PCDHA5: variants seen among roughly 807,000 people sequenced by gnomAD.
The protein encoded by PCDHA5 is protocadherin alpha-5.
Under a neutral mutation model 61.6 loss-of-function variants are expected in PCDHA5, and 43 were observed. The observed-to-expected ratio is 0.70, with a 90% CI of 0.55 to 0.90. The LOEUF (loss-of-function observed/expected upper bound fraction) is 0.90, where lower values mean the gene tolerates loss of function less well. Ranked by LOEUF, PCDHA5 falls within the 40% of genes least tolerant of loss-of-function variation. The pLI, the probability that PCDHA5 is intolerant of heterozygous loss-of-function variation, is 0.00. For missense variants in PCDHA5, 1,298 were observed against 1,222.7 expected (o/e 1.06, Z -0.92); for synonymous variants, 627 against 543.9 (o/e 1.15, Z -2.13).
rs140660802 is a variant in PCDHA5 at position 140,849,759 on chromosome 5, G to C, written c.2352+25632G>C. 47 of 1,598,444 alleles carry C rather than the reference G, an allele frequency of 2.9e-5. 6 individuals are homozygous for C. Among genetic ancestry groups the C allele is most frequent in the Non-Finnish European group, 4.0e-5 (47 of 1,167,970 alleles). ...GGACCGCGAGAGTGTGTCCGCCTAC[G>C]AGCTGGTGGTTACCGCGCGGGACGG... On this transcript the variant is annotated intron_variant, in intron 1 of 3. Coordinates refer to ENST00000529859, the MANE Select transcript of PCDHA5 (RefSeq NM_018908.3).
At chr5:140,992,587 A>C (rs1393295001) in intron 3 of PCDHA5, among the ~76,000 whole-genome samples, 2 of 152,186 alleles carry the variant, frequency 1.3e-5, no homozygotes, top group African/African-American at 2.4e-5. Context: ...CCTTGTATGC[A>C]TCTAGCGTCT....
rs2150331994 is a variant in PCDHA5, at chr5:140,842,213, A to G, written c.2352+18086A>G. The G allele has an allele frequency of 8.1e-6, 13 of 1,613,600 alleles. 1 individual carries two copies. The South Asian group carries it at 1.4e-4, about 18-fold the overall frequency. ...TATTGACCACTTTAGCATAGATCGA[A>G]ATACGGGAGAAATAGTGATTCGGGG... On this transcript the variant is annotated intron_variant, in intron 1 of 3. Coordinates refer to ENST00000529859, the MANE Select transcript of PCDHA5 (RefSeq NM_018908.3).
chr5:140,870,395 C>T (rs1554164197), intron 1 of PCDHA5: 1 of 1,614,218 alleles, frequency 6.2e-7, no homozygotes, highest in South Asian at 1.1e-5. Context: ...GATGGGGGTT[C>T]GCCTTCTCTG....
At chr5:141,002,567 C>T (rs2098086110) in intron 3 of PCDHA5, among the ~76,000 whole-genome samples, 1 of 152,210 alleles carries the variant, frequency 6.6e-6, no homozygotes, top group Admixed American at 6.5e-5. Context: ...CAGTTAGTGA[C>T]CATGTGACCA....
chr5:140,966,765 C>G (rs2096051420), intron 1 of PCDHA5: 7 of 1,482,914 alleles, frequency 4.7e-6, no homozygotes, highest in Non-Finnish European at 6.3e-6. Context: ...CGGCCAGTGG[C>G]TATGGAGCAG....
rs1554149682 is a variant in PCDHA5, at chr5:140,857,224, T to C, written c.2352+33097T>C. ...TCACCTGCTCTCTGACGCCTCACGT[T>C]CCGTTCAAGCTGGTGTCCACCTACA... On this transcript the variant is annotated intron_variant, in intron 1 of 3. Transcript: ENST00000529859. 4 of 1,598,426 alleles carry C rather than the reference T, an allele frequency of 2.5e-6. 1 individual carries two copies. Among genetic ancestry groups the C allele is most frequent in the Non-Finnish European group, 3.4e-6 (4 of 1,167,908 alleles).
intron 1 of PCDHA5, among the ~76,000 whole-genome samples, chr5:140,894,750 TTGTG>T (rs2064648260): frequency 6.6e-6 from 1 of 152,080 alleles, no homozygotes; most frequent in Admixed American, 6.5e-5. Context: ...ATTTTTTTTC[TTGTG>T]TGTATTTATT....
Position 140,853,680 on chromosome 5 carries a change from C to G in PCDHA5, c.2352+29553C>G, listed in dbSNP as rs142269623. 1,623 of 988,078 alleles carry G rather than the reference C, an allele frequency of 1.6e-3. 141 individuals are homozygous for G. The highest frequency in any genetic ancestry group is 5.6e-3 in the South Asian group (118 of 21,118). 61.2% of individuals were successfully genotyped at this position (988,078 alleles called of 1,614,324 possible). A position where few individuals can be genotyped will look rare whatever the true frequency, so the allele number is the denominator to read the frequency against. On this transcript the variant is annotated intron_variant, in intron 1 of 3. Transcript: ENST00000529859. Reference sequence around the variant, plus strand: ...AGACAAATTGGGGCCTATGGTCAACCTATCCTTAGACCTGCTAACGCATTA... The same window carrying G: ...AGACAAATTGGGGCCTATGGTCAACGTATCCTTAGACCTGCTAACGCATTA...
chr5:140,860,511 C>T (rs2046428748), intron 1 of PCDHA5: 2 of 152,066 alleles, frequency 1.3e-5, no homozygotes, highest in Non-Finnish European at 2.9e-5. Flanking sequence ...CAAGATAAAA[C>T]TCTTCATGGA....
intron 1 of PCDHA5, chr5:140,858,475 GAAT>G (rs2045440906): frequency 2.0e-6 from 3 of 1,517,006 alleles, no homozygotes; most frequent in East Asian, 4.9e-5. Context: ...TGTGCTTTAT[GAAT>G]AATATTTTCT....
At chr5:140,974,350 C>T (rs555781549) in intron 1 of PCDHA5, among the ~76,000 whole-genome samples, 1 of 152,304 alleles carries the variant, frequency 6.6e-6, no homozygotes, top group South Asian at 2.1e-4. Flanking sequence ...GCATCCAGAA[C>T]TAAACAGACC....
chr5:141,010,403 G>T lies in PCDHA5; in HGVS notation c.*466G>T. ...ATATTGGCTGAGACGAGCCAGCTTA[G>T]ACTAATTGGTACAAGGAAGGCAAGA... On this transcript the variant is annotated 3_prime_UTR_variant, in exon 4 of 4. Transcript: ENST00000529859. 2 of 1,285,614 alleles carry T rather than the reference G, an allele frequency of 1.6e-6. No individual in the cohort carries two copies. Among genetic ancestry groups the T allele is most frequent in the Non-Finnish European group, 2.1e-6 (2 of 956,000 alleles). The allele number at this position is 1,285,614 out of a possible 1,614,324, so 79.6% of individuals were successfully genotyped here. A position where few individuals can be genotyped will look rare whatever the true frequency, so the allele number is the denominator to read the frequency against.
intron 1 of PCDHA5, among the ~76,000 whole-genome samples, chr5:140,900,906 G>C (rs2068354860): frequency 6.6e-6 from 1 of 152,096 alleles, no homozygotes; most frequent in African/African-American, 2.4e-5. Context: ...CATTTTAACT[G>C]TGGTAAGATG....
rs1554229569 is a variant in PCDHA5, at chr5:140,967,454, G to A, written c.2353-11495G>A. ...CTTGCACCACCTGGTTCTCACAGCCGTGGATGGGGGCATCCCAGCCCGCTC... is the reference window on the plus strand; with the variant it reads ...CTTGCACCACCTGGTTCTCACAGCCATGGATGGGGGCATCCCAGCCCGCTC... On this transcript the variant is annotated intron_variant, in intron 1 of 3. Transcript: ENST00000529859. 6.2e-7 allele frequency: 1 copy of A among 1,613,614 alleles called. No individual in the cohort carries two copies. Among genetic ancestry groups the A allele is most frequent in the Admixed American group, 1.7e-5 (1 of 60,010 alleles).
chr5:140,885,670 C>T (rs1351720729), intron 1 of PCDHA5, among the ~76,000 whole-genome samples: 2 of 152,138 alleles, frequency 1.3e-5, no homozygotes, highest in African/African-American at 4.8e-5. Flanking sequence ...TATGAGCACT[C>T]TTTCTATCTC....
At chr5:140,944,304 C>T (rs1383475197) in intron 1 of PCDHA5, among the ~76,000 whole-genome samples, 1 of 152,162 alleles carries the variant, frequency 6.6e-6, no homozygotes, top group Non-Finnish European at 1.5e-5. Context: ...CCTCCTACCT[C>T]AGCCTCCTGA....
rs185929013 is a variant in PCDHA5 at position 140,956,196 on chromosome 5, T to G, written c.2353-22753T>G. 2.6e-5 allele frequency among the ~76,000 whole-genome samples: 4 copies of G among 152,188 alleles called. No homozygotes were observed. In the East Asian group the frequency reaches 7.7e-4, roughly 29 times the overall value. On this transcript the variant is annotated intron_variant, in intron 1 of 3. Coordinates refer to ENST00000529859, the MANE Select transcript of PCDHA5 (RefSeq NM_018908.3). The stretch of plus-strand genomic sequence containing the variant: ...CTTCCAATACTATGCTGAATAGGAG[T>G]GGTGAAAGAGGGCATCCTTGTCTTG...
At chr5:140,853,797 T>G (rs2042870109) in intron 1 of PCDHA5, 4 of 987,438 alleles carry the variant, frequency 4.1e-6, no homozygotes, top group Non-Finnish European at 4.9e-6. Context: ...AATTTTCATT[T>G]TAAAGCACAC....
chr5:140,921,168 C>A (rs1260180010), intron 1 of PCDHA5, among the ~76,000 whole-genome samples: 1 of 151,534 alleles, frequency 6.6e-6, no homozygotes, highest in Non-Finnish European at 1.5e-5. Context: ...TTTTAACACA[C>A]ATAAAGCACA....
Sources: gnomAD v4.1 joint callset for allele counts (sites outside exome capture counted in the v4.1 genomes callset) on GRCh38, gnomAD v4.1.1 for gene constraint, MANE v1.5 for transcripts, NCBI Gene and HGNC (gene_info 2026-07-23, HGNC 2026-07-21) for gene names.